Variants in CR1L observed in about 807,000 individuals in gnomAD.
CR1L encodes complement component receptor 1-like protein.
In CR1L, 59 loss-of-function variants were observed where a neutral mutation model predicts 62.3. That is an observed-to-expected ratio of 0.95 (90% CI 0.77 to 1.18). CR1L has a LOEUF of 1.18. Ranked by LOEUF, CR1L falls within the 50% of genes most tolerant of loss-of-function variation. CR1L has a pLI of 0.00. For missense variants in CR1L, 700 were observed against 702.8 expected, an observed-to-expected ratio of 1.00 and a Z score of 0.04; for synonymous variants, 279 against 248.7, an observed-to-expected ratio of 1.12 and a Z score of -1.15.
chr1:207,710,206 C>T (rs1389226542), intron 10 of CR1L, among the ~76,000 whole-genome samples: 4 of 151,936 alleles, frequency 2.6e-5, no homozygotes, highest in Non-Finnish European at 4.4e-5. Flanking sequence ...AAACCAGATA[C>T]GGTGGTGCGT....
chr1:207,645,549 G>T (rs1194093797), intron 1 of CR1L, among the ~76,000 whole-genome samples: 1 of 152,216 alleles, frequency 6.6e-6, no homozygotes, highest in Admixed American at 6.5e-5. Flanking sequence ...TCGTGTGCGC[G>T]GCCGACATTT....
chr1:207,692,289 A>T (rs1664009595), intron 4 of CR1L, among the ~76,000 whole-genome samples: 1 of 152,246 alleles, frequency 6.6e-6, no homozygotes, highest in East Asian at 1.9e-4. Flanking sequence ...ATTTATATTT[A>T]CACCGTAGTG....
At chr1:207,664,192 C>T (rs2102448138) in intron 1 of CR1L, among the ~76,000 whole-genome samples, 1 of 152,328 alleles carries the variant, frequency 6.6e-6, no homozygotes. Flanking sequence ...TCTGGTTTCA[C>T]TTTCCTTGCA....
At chr1:207,694,827 C>G (rs765148924) in intron 5 of CR1L, 76 bp downstream of exon 5, 15 of 1,605,728 alleles carry the variant, frequency 9.3e-6, no homozygotes, top group Non-Finnish European at 1.3e-5. Context: ...AGTATTTGTT[C>G]AGGGGGAGGG....
At chr1:207,707,552 C>T (rs1233758395) in intron 9 of CR1L, among the ~76,000 whole-genome samples, 1 of 152,086 alleles carries the variant, frequency 6.6e-6, no homozygotes, top group Non-Finnish European at 1.5e-5. Flanking sequence ...TGCTTGAACT[C>T]GGGAGGCAGA....
chr1:207,703,354 A>G (rs1309293432), intron 9 of CR1L, among the ~76,000 whole-genome samples: 1 of 152,210 alleles, frequency 6.6e-6, no homozygotes, highest in African/African-American at 2.4e-5. Context: ...GACCATTCTA[A>G]AAGCCCTAGG....
intron 11 of CR1L, among the ~76,000 whole-genome samples, chr1:207,718,444 T>C (rs756843490): frequency 6.6e-6 from 1 of 152,220 alleles, no homozygotes; most frequent in Admixed American, 6.5e-5. Flanking sequence ...TCTTTTGAGA[T>C]GGAGTCTTGC....
intron 11 of CR1L, among the ~76,000 whole-genome samples, chr1:207,721,653 C>T (rs1315289837): frequency 4.0e-5 from 6 of 148,646 alleles, no homozygotes; most frequent in Non-Finnish European, 8.9e-5. Context: ...AATAAACATA[C>T]GTGTGCATGT....
intron 8 of CR1L, among the ~76,000 whole-genome samples, chr1:207,699,689 A>G (rs1339644902): frequency 6.6e-6 from 1 of 151,850 alleles, no homozygotes; most frequent in African/African-American, 2.4e-5. Context: ...TCAGTCTACA[A>G]TTTGTGTATA....
At chr1:207,669,335 T>C (rs1174432517) in intron 1 of CR1L, 3 of 713,534 alleles carry the variant, frequency 4.2e-6, no homozygotes, top group Admixed American at 2.4e-5. Context: ...GCCCTCCCCA[T>C]GCTCTGGGCG....
intron 1 of CR1L, among the ~76,000 whole-genome samples, chr1:207,656,567 A>G (rs1002295290): frequency 6.6e-6 from 1 of 152,188 alleles, no homozygotes; most frequent in Non-Finnish European, 1.5e-5. Flanking sequence ...TACAAGCTGT[A>G]CAGGAAGCAT....
chr1:207,712,763 G>A (rs562447121), intron 10 of CR1L, among the ~76,000 whole-genome samples: 3 of 152,190 alleles, frequency 2.0e-5, no homozygotes, highest in African/African-American at 4.8e-5. Flanking sequence ...TTTTCTTCTC[G>A]TGAAATCCTG....
chr1:207,657,681 T>G (rs1320952744), intron 1 of CR1L, among the ~76,000 whole-genome samples: 1 of 152,208 alleles, frequency 6.6e-6, no homozygotes, highest in Non-Finnish European at 1.5e-5. Flanking sequence ...TTGGTAGTGG[T>G]AGACTGTAAC....
At chr1:207,697,429 T>C in intron 5 of CR1L, 74 bp from the exon 6 acceptor site, 1 of 1,611,268 alleles carries the variant, frequency 6.2e-7, no homozygotes, top group Non-Finnish European at 8.5e-7. Context: ...TAATTATTAT[T>C]CCCTTGGCCA....
intron 1 of CR1L, among the ~76,000 whole-genome samples, chr1:207,662,649 T>A (rs929438935): frequency 6.6e-6 from 1 of 152,244 alleles, no homozygotes; most frequent in Non-Finnish European, 1.5e-5. Context: ...TCTCAACTCA[T>A]CAAAGTCATT....
chr1:207,651,249 T>C (rs2102439009), intron 1 of CR1L, among the ~76,000 whole-genome samples: 1 of 151,246 alleles, frequency 6.6e-6, no homozygotes. Context: ...GATACTGTTT[T>C]TCTGGGGGTA....
Position 207,697,861 on chromosome 1 carries a change from T to G in CR1L, c.1130T>G (p.Val377Gly), listed in dbSNP as rs1664130592. ...CAGCTTGGAGCAAAAGTGGATTTTG[T>G]TTGTGATGAAGGGTGAGTATGAGCT... ...NLQLGAKVDFVCDEGFQLKGS... is the reference protein window; with the variant it reads ...NLQLGAKVDFGCDEGFQLKGS... Residue 377 changes from valine to glycine, a missense_variant, in exon 7 of 12, where the codon GTT becomes GGT. By Grantham distance (109) the Val-to-Gly change is moderately radical. Transcript: ENST00000508064. The G allele has an allele frequency of 6.2e-7, 1 of 1,613,978 alleles. No homozygotes were observed. Among genetic ancestry groups the G allele is most frequent in the Non-Finnish European group, 8.5e-7 (1 of 1,179,860 alleles).
intron 8 of CR1L, 132 bp downstream of exon 8, chr1:207,699,406 T>A: frequency 8.9e-7 from 1 of 1,121,078 alleles, no homozygotes; most frequent in Non-Finnish European, 1.3e-6. Flanking sequence ...CTTATTTTAG[T>A]AATGTTTGGT....
At chr1:207,669,393 TATTTCAGTTTTCTTCGAG>T (rs66765111) in intron 1 of CR1L, 422,718 of 1,172,406 alleles carry the variant, frequency 0.36, 77,541 homozygotes, top group African/African-American at 0.42. Flanking sequence ...CTTTTCCTCT[TATTTCAGTTTTCTTCGAG>T]ATCAAATCTG....
Sources: gnomAD v4.1 joint callset for allele counts (sites outside exome capture counted in the v4.1 genomes callset) on GRCh38, gnomAD v4.1.1 for gene constraint, MANE v1.5 for transcripts, NCBI Gene and HGNC (gene_info 2026-07-23, HGNC 2026-07-21) for gene names.